The following CAMK1D variants were observed in gnomAD, a reference collection of about 807,000 sequenced individuals.
CAMK1D encodes the protein calcium/calmodulin-dependent protein kinase type 1D.
Under a neutral mutation model 47.7 loss-of-function variants are expected in CAMK1D, and 9 were observed. The ratio of observed to expected loss-of-function variants is 0.19; its 90% CI spans 0.11 to 0.33. The LOEUF is 0.33. Among genes scored for constraint, CAMK1D ranks in the 10% least tolerant of loss-of-function variants. The pLI is 1.00. For synonymous variants in CAMK1D, 184 were observed against 184.9 expected, an observed-to-expected ratio of 0.99 and a Z score of 0.04; for missense variants, 291 against 488.7, an observed-to-expected ratio of 0.60 and a Z score of 3.81.
In CAMK1D at chr10:12,748,566, G is replaced by A. The variant is rs118097528; in HGVS notation, c.300-12382G>A. 7.2e-5 allele frequency among the ~76,000 whole-genome samples: 11 copies of A among 152,288 alleles called. No homozygotes were observed. The South Asian group carries it at 2.1e-3, about 29-fold the overall frequency. On this transcript the variant is annotated intron_variant, in intron 3 of 10. Coordinates refer to ENST00000619168, the MANE Select transcript of CAMK1D (RefSeq NM_153498.4). ...ACACTGGGAGCTGCTGTAAGCTTTG[G>A]GTTTTGGGGTCCTCAGTTGACCAGA...
intron 2 of CAMK1D, among the ~76,000 whole-genome samples, chr10:12,555,357 GA>G (rs1836727815): frequency 1.3e-5 from 2 of 152,200 alleles, no homozygotes; most frequent in Non-Finnish European, 2.9e-5. Context: ...CAGCATGCGG[GA>G]TAAGTGTTTG....
intron 2 of CAMK1D, among the ~76,000 whole-genome samples, chr10:12,637,171 C>A (rs1295441166): frequency 6.6e-6 from 1 of 151,932 alleles, no homozygotes; most frequent in Admixed American, 6.5e-5. Flanking sequence ...GGGGTTTCAC[C>A]ATGTTGGCCA....
chr10:12,427,358 G>A (rs1360019052), intron 1 of CAMK1D, among the ~76,000 whole-genome samples: 1 of 152,200 alleles, frequency 6.6e-6, no homozygotes, highest in South Asian at 2.1e-4. Flanking sequence ...GGGAAGTGGG[G>A]TGCGGGGACA....
intron 2 of CAMK1D, among the ~76,000 whole-genome samples, chr10:12,613,645 AT>A (rs1230076338): frequency 9.9e-5 from 15 of 152,128 alleles, no homozygotes; most frequent in Admixed American, 9.8e-4. Flanking sequence ...TGCCTGGCTC[AT>A]TTTTTGTATT....
intron 6 of CAMK1D, among the ~76,000 whole-genome samples, chr10:12,801,262 T>TCCATCC: frequency 6.8e-6 from 1 of 146,382 alleles, no homozygotes; most frequent in East Asian, 2.1e-4. Flanking sequence ...TCCATCCATC[T>TCCATCC]GTCCGTCCAT....
chr10:12,439,541 G>GGTA (rs1248715645), intron 1 of CAMK1D, among the ~76,000 whole-genome samples: 1 of 152,206 alleles, frequency 6.6e-6, no homozygotes, highest in Non-Finnish European at 1.5e-5. Flanking sequence ...CCCTGCTGTA[G>GGTA]GTAGTGTTGT....
At chr10:12,708,302 A>C (rs1483543895) in intron 3 of CAMK1D, among the ~76,000 whole-genome samples, 2 of 150,754 alleles carry the variant, frequency 1.3e-5, no homozygotes, top group Non-Finnish European at 3.0e-5. Flanking sequence ...ATACGTTTAC[A>C]TGCTGTTTAT....
At chr10:12,787,611 G>A (rs1012822240) in intron 5 of CAMK1D, among the ~76,000 whole-genome samples, 7 of 152,364 alleles carry the variant, frequency 4.6e-5, no homozygotes, top group Admixed American at 1.3e-4. Flanking sequence ...GCAGCTGTTG[G>A]AGGCACCGCA....
At chr10:12,607,620 G>A (rs1473855085) in intron 2 of CAMK1D, among the ~76,000 whole-genome samples, 1 of 152,180 alleles carries the variant, frequency 6.6e-6, no homozygotes, top group African/African-American at 2.4e-5. Flanking sequence ...TGGTTCAAAT[G>A]TATCCTGGAA....
At chr10:12,584,892 C>A (rs1046744837) in intron 2 of CAMK1D, among the ~76,000 whole-genome samples, 12 of 152,128 alleles carry the variant, frequency 7.9e-5, no homozygotes, top group Non-Finnish European at 1.8e-4. Context: ...TGAATTGAAG[C>A]CTTTTTTTGG....
intron 3 of CAMK1D, among the ~76,000 whole-genome samples, chr10:12,715,759 C>T (rs1249033543): frequency 1.4e-5 from 2 of 145,610 alleles, no homozygotes; most frequent in African/African-American, 5.0e-5. Flanking sequence ...GTCTCTCTCT[C>T]GCCCAGGCTG....
intron 1 of CAMK1D, among the ~76,000 whole-genome samples, chr10:12,536,837 G>C (rs74116956): frequency 0.068 from 10,276 of 152,132 alleles, 429 homozygotes; most frequent in East Asian, 0.2. Context: ...AATGCATGTA[G>C]ATCTCATCAG....
intron 1 of CAMK1D, among the ~76,000 whole-genome samples, chr10:12,361,545 CTTTTTTTTTTT>C (rs36015215): frequency 1.4e-4 from 9 of 63,092 alleles, no homozygotes; most frequent in East Asian, 5.4e-4. Context: ...GTGCCTGGCC[CTTTTTTTTTTT>C]TTTTTTTTTT....
chr10:12,751,782 C>T (rs1256102956), intron 3 of CAMK1D, among the ~76,000 whole-genome samples: 4 of 152,124 alleles, frequency 2.6e-5, no homozygotes, highest in South Asian at 2.1e-4. Context: ...CCTCAGCAGC[C>T]GGCACGCAGC....
chr10:12,534,973 A>G (rs1425412669), intron 1 of CAMK1D, among the ~76,000 whole-genome samples: 1 of 152,200 alleles, frequency 6.6e-6, no homozygotes, highest in Admixed American at 6.5e-5. Context: ...AAGGTTGGGA[A>G]CTAGAGTCTA....
At chr10:12,791,021 C>A in intron 5 of CAMK1D, 137 bp from the exon 6 acceptor site, 3 of 672,042 alleles carry the variant, frequency 4.5e-6, no homozygotes, top group African/African-American at 1.8e-5. Flanking sequence ...AAAAAGCCAA[C>A]ACATAAAATG....
At chr10:12,542,463 A>T (rs1440690996) in intron 1 of CAMK1D, among the ~76,000 whole-genome samples, 2 of 152,204 alleles carry the variant, frequency 1.3e-5, no homozygotes, top group Non-Finnish European at 2.9e-5. Flanking sequence ...TTTCAGCACC[A>T]TCTGATTATT....
At chr10:12,527,225 TG>T (rs1835653272) in intron 1 of CAMK1D, among the ~76,000 whole-genome samples, 1 of 152,062 alleles carries the variant, frequency 6.6e-6, no homozygotes, top group Non-Finnish European at 1.5e-5. Flanking sequence ...AAAAATTTCC[TG>T]GGCCCTTCCA....
chr10:12,354,183 G>A (rs1025329627), intron 1 of CAMK1D, among the ~76,000 whole-genome samples: 1 of 152,138 alleles, frequency 6.6e-6, no homozygotes, highest in East Asian at 1.9e-4. Flanking sequence ...GGATATGAAT[G>A]CATGTTTTTC....
Sources: allele counts gnomAD v4.1 joint callset (sites outside exome capture counted in the v4.1 genomes callset), GRCh38; gene constraint gnomAD v4.1.1; transcripts MANE v1.5; gene names NCBI Gene and HGNC (gene_info 2026-07-23, HGNC 2026-07-21).